FRMD4B: variants seen among roughly 807,000 people sequenced by gnomAD.
The protein encoded by FRMD4B is FERM domain-containing protein 4B.
A neutral mutation model predicts 141.5 loss-of-function variants in FRMD4B; 74 were observed. The observed-to-expected ratio is 0.52, with a 90% CI of 0.43 to 0.63. The LOEUF is 0.63. Ranked by LOEUF, FRMD4B falls within the 30% of genes least tolerant of loss-of-function variation. The pLI is 0.00. For missense variants in FRMD4B, 1,366 were observed against 1,253.4 expected (o/e 1.09, Z -1.36); for synonymous variants, 506 against 467.9 (o/e 1.08, Z -1.05).
intron 2 of FRMD4B, among the ~76,000 whole-genome samples, chr3:69,312,331 T>C (rs532234682): frequency 6.6e-5 from 10 of 152,156 alleles, no homozygotes; most frequent in Admixed American, 4.6e-4. Context: ...AAAATGGACA[T>C]GATTTAAAGA....
chr3:69,210,592 C>A (rs1372803774), intron 11 of FRMD4B, among the ~76,000 whole-genome samples: 2 of 152,002 alleles, frequency 1.3e-5, no homozygotes, highest in South Asian at 2.1e-4. Context: ...ATTTTTAATA[C>A]CCTGAATGTT....
intron 2 of FRMD4B, among the ~76,000 whole-genome samples, chr3:69,418,365 T>A (rs1345718807): frequency 6.6e-6 from 1 of 152,156 alleles, no homozygotes; most frequent in African/African-American, 2.4e-5. Flanking sequence ...ATGGGCCCTA[T>A]GACCTCCACA....
intron 1 of FRMD4B, chr3:69,536,383 C>T: frequency 1.4e-6 from 1 of 710,076 alleles, no homozygotes; most frequent in Non-Finnish European, 2.6e-6. Flanking sequence ...GAGGCTGCGG[C>T]ACATGCCAGT....
chr3:69,222,679 G>A (rs1228863508), intron 8 of FRMD4B, among the ~76,000 whole-genome samples: 63 of 152,132 alleles, frequency 4.1e-4, no homozygotes, highest in Non-Finnish European at 8.8e-5. Context: ...GCTGAGGCAC[G>A]AGTATCACTT....
intron 1 of FRMD4B, among the ~76,000 whole-genome samples, chr3:69,375,253 A>G (rs1291516208): frequency 1.6e-4 from 3 of 19,192 alleles, no homozygotes; most frequent in Non-Finnish European, 3.4e-4. Context: ...CCATCCATCC[A>G]TCCACCCCAT....
chr3:69,260,663 ACT>A (rs779977475), intron 5 of FRMD4B, among the ~76,000 whole-genome samples: 22 of 152,196 alleles, frequency 1.4e-4, no homozygotes, highest in Non-Finnish European at 2.4e-4. Context: ...CTGGCGGGAA[ACT>A]CTGCCCGCAG....
At chr3:69,259,624 A>AT (rs2093513453) in intron 5 of FRMD4B, among the ~76,000 whole-genome samples, 2 of 152,214 alleles carry the variant, frequency 1.3e-5, no homozygotes, top group African/African-American at 4.8e-5. Flanking sequence ...ATAACATTTA[A>AT]TCACTGTTCA....
chr3:69,279,685 TC>T (rs2093634741), intron 5 of FRMD4B, among the ~76,000 whole-genome samples: 13 of 42,360 alleles, frequency 3.1e-4, no homozygotes, highest in East Asian at 2.8e-3. Flanking sequence ...CTCCTCCTCC[TC>T]CTCCCCTCCT....
chr3:69,504,305 T>C (rs1706556919), intron 1 of FRMD4B, among the ~76,000 whole-genome samples: 1 of 152,234 alleles, frequency 6.6e-6, no homozygotes, highest in Admixed American at 6.5e-5. Flanking sequence ...AATACTTTTT[T>C]TAACAGCTTC....
intron 11 of FRMD4B, among the ~76,000 whole-genome samples, chr3:69,211,619 T>C (rs958476711): frequency 3.9e-5 from 6 of 152,224 alleles, no homozygotes; most frequent in African/African-American, 1.4e-4. Flanking sequence ...TTAGTACTTA[T>C]TCTCAGTAAA....
chr3:69,242,928 A>G (rs1260588688), intron 7 of FRMD4B, among the ~76,000 whole-genome samples: 1 of 140,008 alleles, frequency 7.1e-6, no homozygotes, highest in African/African-American at 2.6e-5. Context: ...CGGATAGCAG[A>G]GGGTGCAGTG....
chr3:69,357,097 T>A (rs1025769554), intron 1 of FRMD4B, among the ~76,000 whole-genome samples: 2 of 152,120 alleles, frequency 1.3e-5, no homozygotes, highest in African/African-American at 2.4e-5. Flanking sequence ...GAGAGTTTGG[T>A]GGGGCTCTAG....
intron 1 of FRMD4B, among the ~76,000 whole-genome samples, chr3:69,457,697 G>C (rs1455543089): frequency 6.6e-6 from 1 of 152,144 alleles, no homozygotes; most frequent in African/African-American, 2.4e-5. Flanking sequence ...AATTGTTTCT[G>C]AAGCACAGTT....
At chr3:69,178,248 G>A (rs546561194) in intron 21 of FRMD4B, among the ~76,000 whole-genome samples, 18 of 152,130 alleles carry the variant, frequency 1.2e-4, no homozygotes, top group Admixed American at 5.2e-4. Flanking sequence ...GATCACTATG[G>A]GACAAACGCA....
upstream of FRMD4B, among the ~76,000 whole-genome samples, chr3:69,387,687 T>A (rs1704292548): frequency 6.6e-6 from 1 of 152,210 alleles, no homozygotes; most frequent in African/African-American, 2.4e-5. Flanking sequence ...GCTTTTATAA[T>A]CTTAATTCAG....
At chr3:69,414,073 A>G (rs990566152) in intron 2 of FRMD4B, among the ~76,000 whole-genome samples, 6 of 152,162 alleles carry the variant, frequency 3.9e-5, no homozygotes, top group African/African-American at 1.4e-4. Context: ...CAAAACACAT[A>G]TGTTCCCATC....
intron 11 of FRMD4B, among the ~76,000 whole-genome samples, chr3:69,208,507 G>A (rs996474666): frequency 2.6e-5 from 4 of 152,170 alleles, no homozygotes; most frequent in Admixed American, 2.6e-4. Context: ...CCTTCTCCTG[G>A]GTTTCTAACA....
At chr3:69,526,081 G>A (rs1298297059) in intron 1 of FRMD4B, among the ~76,000 whole-genome samples, 1 of 152,130 alleles carries the variant, frequency 6.6e-6, no homozygotes, top group African/African-American at 2.4e-5. Context: ...TCTCTGCTGA[G>A]GACTTTCTTG....
chr3:69,487,544 A>T (rs180682703), intron 1 of FRMD4B, among the ~76,000 whole-genome samples: 1 of 152,224 alleles, frequency 6.6e-6, no homozygotes, highest in Non-Finnish European at 1.5e-5. Context: ...TGGAGGCAGG[A>T]GGAATGGAAA....
Sources: allele counts gnomAD v4.1 joint callset (sites outside exome capture counted in the v4.1 genomes callset), GRCh38; gene constraint gnomAD v4.1.1; transcripts MANE v1.5; gene names NCBI Gene and HGNC (gene_info 2026-07-23, HGNC 2026-07-21).